Variants in KCTD1 observed in about 807,000 individuals in gnomAD.
KCTD1 encodes potassium channel tetramerization domain containing 1.
Under a neutral mutation model 66.0 loss-of-function variants are expected in KCTD1, and 24 were observed. The observed-to-expected ratio is 0.36, with a 90% confidence interval of 0.26 to 0.51. KCTD1 has a LOEUF of 0.51. Among genes scored for constraint, KCTD1 ranks in the 20% least tolerant of loss-of-function variants. KCTD1 has a pLI of 0.95. For missense variants in KCTD1, 943 were observed against 1,205.2 expected, an observed-to-expected ratio of 0.78 and a Z score of 3.22; for synonymous variants, 511 against 517.2, an observed-to-expected ratio of 0.99 and a Z score of 0.16.
At chr18:26,649,067 G>T (rs1446335144) in intron 1 of KCTD1, among the ~76,000 whole-genome samples, 2 of 152,186 alleles carry the variant, frequency 1.3e-5, no homozygotes, top group Non-Finnish European at 2.9e-5. Flanking sequence ...AATTAACAGT[G>T]GGTCTCTATT....
chr18:26,498,450 C>G (rs1982591621), intron 2 of KCTD1, among the ~76,000 whole-genome samples: 1 of 149,078 alleles, frequency 6.7e-6, no homozygotes, highest in Admixed American at 6.8e-5. Flanking sequence ...AACAGCAAGA[C>G]ACATGTAATT....
rs1447806526 is a variant in KCTD1, at chr18:26,565,112, A to C, written c.-15-63862T>G. On this transcript the variant is annotated intron_variant, in intron 1 of 4. Transcript: ENST00000317932. The stretch of plus-strand genomic sequence containing the variant: ...TGAGAGAAAAGGAGGTGAAGAATTC[A>C]TTAATATTGGGAAGATCCTTTGAAG... Among the ~76,000 whole-genome samples the C allele has an allele frequency of 3.3e-5, 5 of 152,210 alleles. No individual in the cohort carries two copies. The East Asian group carries it at 7.7e-4, about 23-fold the overall frequency.
intron 2 of KCTD1, among the ~76,000 whole-genome samples, chr18:26,493,035 T>C (rs906077674): frequency 1.1e-4 from 16 of 152,200 alleles, no homozygotes; most frequent in Non-Finnish European, 1.6e-4. Context: ...GAACAAACTT[T>C]TGAATGTCCA....
intron 2 of KCTD1, among the ~76,000 whole-genome samples, chr18:26,488,419 G>T (rs1982025147): frequency 6.6e-6 from 1 of 151,578 alleles, no homozygotes; most frequent in South Asian, 2.1e-4. Flanking sequence ...TGTTTGTGTT[G>T]CTTTGAGACT....
chr18:26,559,405 C>G (rs1985791710), intron 1 of KCTD1, among the ~76,000 whole-genome samples: 1 of 152,110 alleles, frequency 6.6e-6, no homozygotes, highest in Admixed American at 6.5e-5. Context: ...AAAAAGAAAA[C>G]AAGAAAAGAG....
intron 1 of KCTD1, among the ~76,000 whole-genome samples, chr18:26,623,953 A>T (rs1987444259): frequency 1.3e-5 from 2 of 152,222 alleles, no homozygotes; most frequent in African/African-American, 4.8e-5. Flanking sequence ...AGTGACATGG[A>T]CGATGAAGTC....
chr18:26,653,908 A>T (rs1988080965), intron 1 of KCTD1, among the ~76,000 whole-genome samples: 1 of 152,232 alleles, frequency 6.6e-6, no homozygotes, highest in Non-Finnish European at 1.5e-5. Context: ...GGAGCAAATA[A>T]ATGCTCTGTT....
At position 26,548,489 on chromosome 18, in the gene KCTD1, G is replaced by A. The variant is rs928320958; in HGVS notation, c.48C>T (p.Gly16=). ...GSGDCNTSAG[G]SASAAAAAAE... ...CGGCGGCGGCGGCAGCGCTGGCGCTGCCGCCCGCGCTGGTGTTACAGTCCC... is the reference window on the plus strand; with the variant it reads ...CGGCGGCGGCGGCAGCGCTGGCGCTACCGCCCGCGCTGGTGTTACAGTCCC... The change falls in exon 1 of 5, where the codon GGC becomes GGT. Residue 16 remains glycine (G), a synonymous_variant. Coordinates refer to ENST00000580059, the MANE Select transcript of KCTD1 (RefSeq NM_001142730.3). 8.0e-7 allele frequency: 1 copy of A among 1,247,434 alleles called. No individual in the cohort carries two copies. Among genetic ancestry groups the A allele is most frequent in the Non-Finnish European group, 1.0e-6 (1 of 1,002,968 alleles). The allele number at this position is 1,247,434 out of a possible 1,614,324, so 77.3% of individuals were successfully genotyped here.
chr18:26,609,366 T>C (rs950032837), intron 1 of KCTD1, among the ~76,000 whole-genome samples: 7 of 152,338 alleles, frequency 4.6e-5, no homozygotes, highest in African/African-American at 1.7e-4. Context: ...ATTCGGCTCC[T>C]GCCTCACTGT....
chr18:26,645,264 T>C (rs1987908903), upstream of KCTD1, among the ~76,000 whole-genome samples: 2 of 152,140 alleles, frequency 1.3e-5, no homozygotes, highest in African/African-American at 4.8e-5. Flanking sequence ...AGGGTCTCAC[T>C]ATTGCCTGGA....
At chr18:26,564,161 T>G (rs1985928315) in intron 1 of KCTD1, among the ~76,000 whole-genome samples, 1 of 152,140 alleles carries the variant, frequency 6.6e-6, no homozygotes, top group Admixed American at 6.5e-5. Flanking sequence ...TATCCATTCA[T>G]TTTTTGCACA....
intron 1 of KCTD1, among the ~76,000 whole-genome samples, chr18:26,608,259 C>T (rs755347606): frequency 1.8e-4 from 27 of 152,100 alleles, no homozygotes; most frequent in Non-Finnish European, 3.2e-4. Context: ...ACTGTTTGAT[C>T]TCTTGTCTTA....
At chr18:26,499,502 A>C (rs1982646176) in intron 2 of KCTD1, among the ~76,000 whole-genome samples, 1 of 152,226 alleles carries the variant, frequency 6.6e-6, no homozygotes, top group Non-Finnish European at 1.5e-5. Context: ...AACAAATGGA[A>C]ACCTATTTTA....
At chr18:26,611,192 C>T (rs1012978477) in intron 1 of KCTD1, among the ~76,000 whole-genome samples, 1 of 152,100 alleles carries the variant, frequency 6.6e-6, no homozygotes, top group Admixed American at 6.6e-5. Flanking sequence ...GCTATGTCTT[C>T]AACATCATTA....
chr18:26,548,900 G>A, upstream of KCTD1: 1 of 992,268 alleles, frequency 1.0e-6, no homozygotes, highest in Non-Finnish European at 1.2e-6. Flanking sequence ...CCCTCTGGCG[G>A]AGAATTGCGC....
intron 2 of KCTD1, among the ~76,000 whole-genome samples, chr18:26,492,197 G>A (rs1312036654): frequency 2.0e-5 from 3 of 152,040 alleles, no homozygotes; most frequent in Non-Finnish European, 2.9e-5. Context: ...AACTGTGACT[G>A]CACCACTGTA....
At chr18:26,508,381 T>C (rs1320837882) in intron 1 of KCTD1, among the ~76,000 whole-genome samples, 2 of 152,214 alleles carry the variant, frequency 1.3e-5, no homozygotes, top group African/African-American at 4.8e-5. Flanking sequence ...AAATCTGCCT[T>C]CTAACCTAGC....
At chr18:26,475,616 T>G (rs1475398064) in intron 3 of KCTD1, among the ~76,000 whole-genome samples, 2 of 152,190 alleles carry the variant, frequency 1.3e-5, no homozygotes, top group Non-Finnish European at 2.9e-5. Context: ...TTTGGGAGGC[T>G]GAGGCAGGTG....
intron 1 of KCTD1, among the ~76,000 whole-genome samples, chr18:26,593,632 G>A (rs868399660): frequency 0.016 from 1,466 of 92,858 alleles, 15 homozygotes; most frequent in East Asian, 0.029. Flanking sequence ...GGAGGAAGAT[G>A]AGGAGGAAGA....
Sources: gnomAD v4.1 joint callset for allele counts (sites outside exome capture counted in the v4.1 genomes callset) on GRCh38, gnomAD v4.1.1 for gene constraint, MANE v1.5 for transcripts, NCBI Gene and HGNC (gene_info 2026-07-23, HGNC 2026-07-21) for gene names.